The following C5orf63 variants were observed in gnomAD, a reference collection of about 807,000 sequenced individuals.
C5orf63 encodes chromosome 5 open reading frame 63, also known as glutaredoxin-like protein C5orf63.
In C5orf63, 18 loss-of-function variants were observed where a neutral mutation model predicts 13.3. The observed-to-expected ratio is 1.36, with a 90% CI of 0.94 to 2.01. The LOEUF (loss-of-function observed/expected upper bound fraction) is 2.01. Ranked by LOEUF, C5orf63 falls within the 30% of genes most tolerant of loss-of-function variation. C5orf63 has a pLI of 0.00. For missense variants in C5orf63, 118 were observed against 127.7 expected (o/e 0.92, Z 0.36); for synonymous variants, 38 against 44.7 (o/e 0.85, Z 0.60).
At chr5:127,069,790 T>C (rs570901263) in intron 2 of C5orf63, among the ~76,000 whole-genome samples, 5 of 152,214 alleles carry the variant, frequency 3.3e-5, no homozygotes, top group Non-Finnish European at 7.3e-5. Flanking sequence ...TTAATAGCTA[T>C]CATTGATAGA....
At chr5:127,060,390 C>T (rs1259119722) in intron 2 of C5orf63, among the ~76,000 whole-genome samples, 1 of 152,188 alleles carries the variant, frequency 6.6e-6, no homozygotes, top group Non-Finnish European at 1.5e-5. Context: ...CCTCATCCTG[C>T]TACTTTGCTC....
chr5:127,050,121 C>T (rs983999965), downstream of C5orf63, among the ~76,000 whole-genome samples: 3 of 152,128 alleles, frequency 2.0e-5, no homozygotes, highest in Admixed American at 2.0e-4. Context: ...TTACGTCAGG[C>T]CCAGCCAGGA....
downstream of C5orf63, chr5:127,047,409 C>A (rs963046572): frequency 3.0e-6 from 1 of 335,148 alleles, no homozygotes; most frequent in Non-Finnish European, 5.4e-6. Context: ...ATAATCAAAC[C>A]ACCTTTTAGA....
At chr5:127,070,635 T>C (rs1016371338) in intron 2 of C5orf63, among the ~76,000 whole-genome samples, 10 of 152,230 alleles carry the variant, frequency 6.6e-5, no homozygotes, top group Admixed American at 6.5e-4. Context: ...ATAGTGACTC[T>C]ACAGAGGTCC....
intron 1 of C5orf63, 199 bp from the exon 2 acceptor site, chr5:127,071,884 A>G (rs1293977244): frequency 2.0e-5 from 3 of 152,246 alleles, no homozygotes; most frequent in Non-Finnish European, 4.4e-5. Context: ...AACCTATTTT[A>G]AAGGGATTTC....
chr5:127,065,069 C>T (rs1020506516), intron 2 of C5orf63, among the ~76,000 whole-genome samples: 2 of 152,136 alleles, frequency 1.3e-5, no homozygotes, highest in Non-Finnish European at 2.9e-5. Context: ...ATCAACTCCA[C>T]ATGTTTGATA....
chr5:127,070,428 T>C (rs945903674), intron 2 of C5orf63, among the ~76,000 whole-genome samples: 4 of 152,200 alleles, frequency 2.6e-5, no homozygotes, highest in African/African-American at 9.6e-5. Flanking sequence ...TGTTTCCAGT[T>C]GTAACAATGC....
intron 2 of C5orf63, among the ~76,000 whole-genome samples, chr5:127,064,484 G>A (rs1254462068): frequency 6.6e-6 from 1 of 152,142 alleles, no homozygotes; most frequent in Non-Finnish European, 1.5e-5. Flanking sequence ...ATGGTGTCAC[G>A]CTCAGCTTCA....
At chr5:127,059,570 T>TA (rs762944597) in intron 2 of C5orf63, among the ~76,000 whole-genome samples, 15 of 151,014 alleles carry the variant, frequency 9.9e-5, no homozygotes, top group Non-Finnish European at 1.9e-4. Context: ...CTACTAAAAA[T>TA]ACAAAAAATT....
At chr5:127,053,784 T>C (rs1286537140) in intron 3 of C5orf63, among the ~76,000 whole-genome samples, 1 of 152,214 alleles carries the variant, frequency 6.6e-6, no homozygotes, top group African/African-American at 2.4e-5. Flanking sequence ...TATGGCTGCA[T>C]AGTATTCCAT....
intron 3 of C5orf63, 81 bp downstream of exon 3, chr5:127,058,800 AT>A: frequency 1.1e-6 from 1 of 886,328 alleles, no homozygotes; most frequent in Admixed American, 2.3e-5. Flanking sequence ...AGCTTATTCC[AT>A]TGCCTTTCCT....
intron 2 of C5orf63, among the ~76,000 whole-genome samples, chr5:127,061,268 G>C (rs1416077496): frequency 1.3e-5 from 2 of 152,132 alleles, no homozygotes; most frequent in African/African-American, 4.8e-5. Context: ...CTAGAGACAA[G>C]GCTCCTCAGT....
At chr5:127,073,355 A>G (rs1754629796) in intron 1 of C5orf63, 96 bp downstream of exon 1, 1 of 152,308 alleles carries the variant, frequency 6.6e-6, no homozygotes, top group Admixed American at 6.5e-5. Context: ...CCAAATGGGC[A>G]GCACGCGGCA....
At chr5:127,055,371 A>G (rs557882456) in intron 3 of C5orf63, among the ~76,000 whole-genome samples, 6 of 152,226 alleles carry the variant, frequency 3.9e-5, no homozygotes, top group African/African-American at 9.6e-5. Context: ...ACAAGGCTAC[A>G]TCGGCAGATT....
At chr5:127,047,547 T>C, downstream of C5orf63, 1 of 585,530 alleles carries the variant, frequency 1.7e-6, no homozygotes, top group South Asian at 2.2e-5. Context: ...TGAGTAAGTT[T>C]ATTGAAGAGC....
At chr5:127,047,346 A>T (rs1276644330), downstream of C5orf63, 1 of 192,282 alleles carries the variant, frequency 5.2e-6, no homozygotes, top group Non-Finnish European at 1.1e-5. Context: ...TGCTACAAAC[A>T]TCACATGAAA....
At position 127,058,920 on chromosome 5, in the gene C5orf63, AG is replaced by A. The variant is rs749479060; in HGVS notation, c.75del (p.Ser26LeufsTer8). ...GTCAACACAGGCAGAGTTGTCTTAGAGGCAGAGCAATTTCTCAAGAAGAGTC... is the reference window on the plus strand; with the variant it reads ...GTCAACACAGGCAGAGTTGTCTTAGAGCAGAGCAATTTCTCAAGAAGAGTC... ...SFGLFLRNCS[A>X]SKTTLPVLTL... is the part of the protein sequence containing the mutation. On this transcript the variant is annotated frameshift_variant, in exon 3 of 5. Coordinates refer to ENST00000296662, the MANE Select transcript of C5orf63 (RefSeq NM_001164478.2). LOFTEE classifies it high-confidence loss of function. 1.4e-5 allele frequency: 21 copies of A among 1,537,012 alleles called. No homozygotes were observed. Among genetic ancestry groups the A allele is most frequent in the Non-Finnish European group, 1.8e-5 (21 of 1,146,742 alleles).
chr5:127,048,039 G>T (rs554536732), downstream of C5orf63: 15 of 590,026 alleles, frequency 2.5e-5, no homozygotes, highest in South Asian at 3.1e-4. Flanking sequence ...TACAGGCTGT[G>T]CAGGTTATTG....
At chr5:127,069,801 A>C (rs1397826103) in intron 2 of C5orf63, among the ~76,000 whole-genome samples, 1 of 152,124 alleles carries the variant, frequency 6.6e-6, no homozygotes, top group East Asian at 1.9e-4. Flanking sequence ...CATTGATAGA[A>C]TTTTTTTAAT....
Sources: allele counts gnomAD v4.1 joint callset (sites outside exome capture counted in the v4.1 genomes callset), GRCh38; gene constraint gnomAD v4.1.1; transcripts MANE v1.5; gene names NCBI Gene and HGNC (gene_info 2026-07-23, HGNC 2026-07-21).